The following DIMT1 variants were observed in gnomAD, a reference collection of about 807,000 sequenced individuals.
DIMT1 encodes dimethyladenosine transferase.
DIMT1 carries 36 observed loss-of-function variants against 43.2 expected under a neutral mutation model. The ratio of observed to expected loss-of-function variants is 0.83; its 90% CI spans 0.64 to 1.10. The LOEUF (loss-of-function observed/expected upper bound fraction) is 1.10. Ranked by LOEUF, DIMT1 falls within the 50% of genes least tolerant of loss-of-function variation. The pLI is 0.00. For missense variants in DIMT1, 341 were observed against 385.3 expected, an observed-to-expected ratio of 0.88 and a Z score of 0.96; for synonymous variants, 126 against 130.3, an observed-to-expected ratio of 0.97 and a Z score of 0.22.
intron 8 of DIMT1, 22 bp downstream of exon 8, chr5:62,393,933 T>G: frequency 2.8e-4 from 437 of 1,580,618 alleles, no homozygotes; most frequent in Middle Eastern, 3.4e-4. Context: ...CTTTATTGAA[T>G]GAGCTAGTAT....
rs1355532750 is a variant in DIMT1, at chr5:62,389,202, C to T, written c.900-150G>A. On this transcript the variant is annotated intron_variant, in intron 11 of 11. Transcript: ENST00000199320. The stretch of plus-strand genomic sequence containing the variant: ...AATACTAGTTATTAAAGAAACGTTA[C>T]TGGCTGGGCGCAGTGGCTTATGCCT... 5.3e-5 allele frequency: 36 copies of T among 683,488 alleles called. No homozygotes were observed. In the Admixed American group the frequency reaches 1.2e-3, roughly 22 times the overall value. 42.3% of individuals were successfully genotyped at this position (683,488 alleles called of 1,614,324 possible). A position where few individuals can be genotyped will look rare whatever the true frequency, so the allele number is the denominator to read the frequency against.
chr5:62,389,256 C>T (rs1452582333), intron 11 of DIMT1, among the ~76,000 whole-genome samples: 1 of 151,994 alleles, frequency 6.6e-6, no homozygotes, highest in African/African-American at 2.4e-5. Context: ...GAGGCTGAGG[C>T]GGGTGGATTA....
chr5:62,394,640 G>A (rs1202840135), intron 6 of DIMT1, 33 bp from the exon 7 acceptor site: 6 of 1,610,220 alleles, frequency 3.7e-6, no homozygotes, highest in Non-Finnish European at 5.1e-6. Flanking sequence ...TAAGGAAAAT[G>A]GTCATTGTCA....
intron 3 of DIMT1, among the ~76,000 whole-genome samples, chr5:62,400,887 T>C (rs1742677959): frequency 6.6e-6 from 1 of 151,888 alleles, no homozygotes; most frequent in Non-Finnish European, 1.5e-5. Flanking sequence ...GCCTCCCTGC[T>C]AGCCAGGGCT....
rs1409640979 is a variant in DIMT1, at chr5:62,403,733, C to CGCG, written c.37_39dup (p.Arg13dup). On this transcript the variant is annotated inframe_insertion, in exon 1 of 12. Transcript: ENST00000199320. ...AGCTCCCGGCGCTGCTCCTGCCGCC[C>CGCG]GCGGCGGCGGCCGATGGCCCCCGAC... 6.2e-7 allele frequency: 1 copy of CGCG among 1,609,530 alleles called. No individual in the cohort carries two copies. Among genetic ancestry groups the CGCG allele is most frequent in the East Asian group, 2.2e-5 (1 of 44,818 alleles).
chr5:62,402,987 G>A (rs1742759656), intron 2 of DIMT1, among the ~76,000 whole-genome samples: 1 of 152,186 alleles, frequency 6.6e-6, no homozygotes, highest in African/African-American at 2.4e-5. Context: ...GATCAAAAAG[G>A]TGATTAGAAA....
Position 62,402,060 on chromosome 5 carries a change from T to C in DIMT1, c.216A>G (p.Val72=), listed in dbSNP as rs1742727771. The C allele has an allele frequency of 2.5e-6, 4 of 1,613,802 alleles. No individual in the cohort carries two copies. Among genetic ancestry groups the C allele is most frequent in the Admixed American group, 3.3e-5 (2 of 59,906 alleles). Residue 72 remains valine, a synonymous_variant, in exon 3 of 12, where the codon GTA becomes GTG. Coordinates refer to ENST00000199320, the MANE Select transcript of DIMT1 (RefSeq NM_014473.4). The part of the protein sequence containing the change: ...EVGPGTGNMT[V]KLLEKAKKVV... ...CCTTTTTTGCCTTTTCTAACAACTT[T>C]ACAGTCATGTTGCCAGTTCCAGGTC...
intron 3 of DIMT1, among the ~76,000 whole-genome samples, chr5:62,401,429 A>G (rs1465929662): frequency 3.9e-5 from 5 of 128,678 alleles, no homozygotes; most frequent in African/African-American, 1.5e-4. Context: ...CAGGAGGCAG[A>G]GGTTGCTGTG....
Position 62,388,474 on chromosome 5 carries a change from G to C in DIMT1, c.*536C>G, listed in dbSNP as rs533019789. On this transcript the variant is annotated 3_prime_UTR_variant, in exon 12 of 12. Coordinates refer to ENST00000199320, the MANE Select transcript of DIMT1 (RefSeq NM_014473.4). ...GCGAAAGAGGTAGGCAATCGTAACAGACACTGTATAGGATAAATAGGGAAG... is the reference window on the plus strand; with the variant it reads ...GCGAAAGAGGTAGGCAATCGTAACACACACTGTATAGGATAAATAGGGAAG... The C allele has an allele frequency of 1.3e-5, 2 of 152,956 alleles. No homozygotes were observed. Among genetic ancestry groups the C allele is most frequent in the African/African-American group, 2.4e-5 (1 of 41,534 alleles). 9.5% of individuals were successfully genotyped at this position (152,956 alleles called of 1,614,324 possible).
rs1561292706 is a variant in DIMT1, at chr5:62,398,866, G to C, written c.256C>G (p.Leu86Val). 2.5e-6 allele frequency: 4 copies of C among 1,612,624 alleles called. No individual in the cohort carries two copies. The highest frequency in any genetic ancestry group is 2.2e-5 in the East Asian group (1 of 44,850). The change falls in exon 4 of 12, where the codon CTT (leucine) becomes GTT (valine). Residue 86 changes from leucine (L) to valine (V), a missense_variant. Coordinates refer to ENST00000199320, the MANE Select transcript of DIMT1 (RefSeq NM_014473.4). ...AGTTCAGCTACTAGCCTTGGGTCAAGTTCACAAGCAACAACCTAATTTAAA... is the reference window on the plus strand; with the variant it reads ...AGTTCAGCTACTAGCCTTGGGTCAACTTCACAAGCAACAACCTAATTTAAA... ...EKAKKVVACE[L>V]DPRLVAELHK...
intron 3 of DIMT1, among the ~76,000 whole-genome samples, chr5:62,401,016 G>T (rs1742682502): frequency 6.6e-6 from 1 of 152,110 alleles, no homozygotes; most frequent in South Asian, 2.1e-4. Flanking sequence ...CTCCCAAAGT[G>T]CTGGGATTAC....
Position 62,387,413 on chromosome 5 carries a change from A to G in DIMT1, c.*1597T>C, listed in dbSNP as rs1040849640. Reference sequence around the variant, plus strand: ...ATTTGCTCATTTTAAAGCACAACAGATGATTAGCTTCAAATTTATTATTTG... The same window carrying G: ...ATTTGCTCATTTTAAAGCACAACAGGTGATTAGCTTCAAATTTATTATTTG... On this transcript the variant is annotated 3_prime_UTR_variant, in exon 12 of 12. Coordinates refer to ENST00000199320, the MANE Select transcript of DIMT1 (RefSeq NM_014473.4). The G allele has an allele frequency of 1.3e-5, 2 of 152,172 alleles. No individual in the cohort carries two copies. Among genetic ancestry groups the G allele is most frequent in the Non-Finnish European group, 2.9e-5 (2 of 68,040 alleles). 9.4% of individuals were successfully genotyped at this position (152,172 alleles called of 1,614,324 possible).
chr5:62,400,797 C>T (rs1005543750), intron 3 of DIMT1, among the ~76,000 whole-genome samples: 2 of 151,886 alleles, frequency 1.3e-5, no homozygotes, highest in Non-Finnish European at 2.9e-5. Context: ...CTCACTGTGT[C>T]ACCCAGGCTG....
At chr5:62,392,036 GTTATACA>G (rs965159069) in intron 10 of DIMT1, 128 bp downstream of exon 10, 1 of 1,560,432 alleles carries the variant, frequency 6.4e-7, no homozygotes, top group African/African-American at 1.4e-5. Flanking sequence ...AATTGTGCTA[GTTATACA>G]TTATATATTG....
chr5:62,398,429 C>G, intron 6 of DIMT1, 82 bp downstream of exon 6: 2 of 1,382,282 alleles, frequency 1.4e-6, no homozygotes, highest in Non-Finnish European at 2.0e-6. Context: ...TTCAACTGAC[C>G]TGACTCATTT....
Position 62,403,681 on chromosome 5 carries a change from C to G in DIMT1, c.79+13G>C. On this transcript the variant is annotated intron_variant, in intron 1 of 11. Coordinates refer to ENST00000199320, the MANE Select transcript of DIMT1 (RefSeq NM_014473.4). ...GACCCGACCGACCCCAGCTTCCTCG[C>G]GGGGATCCGCACCTCCAGCGCTCTT... 1 of 1,603,520 alleles carries G rather than the reference C, an allele frequency of 6.2e-7. No homozygotes were observed. The highest frequency in any genetic ancestry group is 1.1e-5 in the South Asian group (1 of 89,960).
chr5:62,402,202 C>T (rs1376604874), intron 2 of DIMT1, 80 bp from the exon 3 acceptor site: 3 of 1,381,798 alleles, frequency 2.2e-6, no homozygotes, highest in African/African-American at 2.9e-5. Context: ...CATCTTTACT[C>T]ATATGTGCTC....
At chr5:62,398,244 T>C (rs759627137) in intron 6 of DIMT1, among the ~76,000 whole-genome samples, 2 of 152,204 alleles carry the variant, frequency 1.3e-5, no homozygotes, top group African/African-American at 2.4e-5. Context: ...TGTCTAGACA[T>C]AAGGTAATAA....
In DIMT1 at chr5:62,396,139, G is replaced by GTTTTTTTTTTTTTTTTTTT. The variant is rs758847833; in HGVS notation, c.447-1533_447-1532insAAAAAAAAAAAAAAAAAAA. 7.5e-3 allele frequency among the ~76,000 whole-genome samples: 870 copies of GTTTTTTTTTTTTTTTTTTT among 116,480 alleles called. 78 individuals are homozygous for GTTTTTTTTTTTTTTTTTTT. Among genetic ancestry groups the GTTTTTTTTTTTTTTTTTTT allele is most frequent in the East Asian group, 0.015 (52 of 3,544 alleles). 76.4% of individuals were successfully genotyped at this position (116,480 alleles called of 152,430 possible). ...GGGGAATTTAGCCATGTCACTGCAG[G>GTTTTTTTTTTTTTTTTTTT]TTTTTTTTTTTTACATTATTAACTG... On this transcript the variant is annotated intron_variant, in intron 6 of 11. Coordinates refer to ENST00000199320, the MANE Select transcript of DIMT1 (RefSeq NM_014473.4).
Sources: gnomAD v4.1 joint callset for allele counts (sites outside exome capture counted in the v4.1 genomes callset) on GRCh38, gnomAD v4.1.1 for gene constraint, MANE v1.5 for transcripts, NCBI Gene and HGNC (gene_info 2026-07-23, HGNC 2026-07-21) for gene names.